SPIRE1: variants seen among roughly 807,000 people sequenced by gnomAD.
The protein encoded by SPIRE1 is spire type actin nucleation factor 1, also known as protein spire homolog 1.
In SPIRE1, 40 loss-of-function variants were observed where a neutral mutation model predicts 94.1. The ratio of observed to expected loss-of-function variants is 0.43; its 90% CI spans 0.33 to 0.55. SPIRE1 has a LOEUF of 0.55. Ranked by LOEUF, SPIRE1 falls within the 20% of genes least tolerant of loss-of-function variation. The pLI, the probability that SPIRE1 is intolerant of heterozygous loss-of-function variation, is 0.06. For missense variants in SPIRE1, 838 were observed against 975.2 expected (o/e 0.86, Z 1.87); for synonymous variants, 376 against 371.7 (o/e 1.01, Z -0.13).
At chr18:12,544,855 AC>A (rs2035116847) in intron 3 of SPIRE1, among the ~76,000 whole-genome samples, 1 of 152,128 alleles carries the variant, frequency 6.6e-6, no homozygotes, top group Non-Finnish European at 1.5e-5. Context: ...CATCTTCCAA[AC>A]CTGTAGTTTA....
intron 2 of SPIRE1, 102 bp downstream of exon 2, chr18:12,634,960 T>C (rs964330543): frequency 3.3e-6 from 2 of 607,714 alleles, no homozygotes; most frequent in African/African-American, 1.9e-5. Flanking sequence ...AGAAATCTTA[T>C]CAGAAGACCA....
intron 2 of SPIRE1, among the ~76,000 whole-genome samples, chr18:12,580,988 T>C (rs2036243696): frequency 6.6e-6 from 1 of 152,194 alleles, no homozygotes; most frequent in Non-Finnish European, 1.5e-5. Context: ...ATTCCACTTA[T>C]CCCCATGGGT....
intron 12 of SPIRE1, among the ~76,000 whole-genome samples, chr18:12,458,393 C>T (rs1297685499): frequency 1.6e-4 from 24 of 151,496 alleles, no homozygotes; most frequent in Admixed American, 1.5e-3. Flanking sequence ...GGGCGGATCA[C>T]GAGGTCAGGA....
intron 3 of SPIRE1, among the ~76,000 whole-genome samples, chr18:12,543,813 A>AG (rs531414418): frequency 3.9e-3 from 599 of 152,370 alleles, no homozygotes; most frequent in Middle Eastern, 0.01. Flanking sequence ...AGGAGAAAGC[A>AG]GTTACAATTC....
chr18:12,642,930 A>C (rs2038126121), intron 1 of SPIRE1, among the ~76,000 whole-genome samples: 1 of 152,182 alleles, frequency 6.6e-6, no homozygotes, highest in South Asian at 2.1e-4. Flanking sequence ...CTTAAAGTAA[A>C]ATTTTAAAAA....
intron 2 of SPIRE1, among the ~76,000 whole-genome samples, chr18:12,624,087 C>A (rs1164394962): frequency 6.7e-6 from 1 of 149,596 alleles, no homozygotes; most frequent in Non-Finnish European, 1.5e-5. Context: ...CCACACCCAA[C>A]TAATTTTGTA....
intron 2 of SPIRE1, among the ~76,000 whole-genome samples, chr18:12,615,061 A>G (rs548085463): frequency 1.3e-5 from 2 of 151,270 alleles, no homozygotes; most frequent in Non-Finnish European, 3.0e-5. Context: ...GCGGTAGGTC[A>G]TGCCTGTAAT....
chr18:12,654,839 C>G (rs894238582), intron 1 of SPIRE1, among the ~76,000 whole-genome samples: 2 of 151,750 alleles, frequency 1.3e-5, no homozygotes, highest in African/African-American at 4.8e-5. Flanking sequence ...ACCATCCTGG[C>G]CAACATGGCG....
At chr18:12,634,439 A>G (rs1354542708) in intron 2 of SPIRE1, among the ~76,000 whole-genome samples, 1 of 151,944 alleles carries the variant, frequency 6.6e-6, no homozygotes, top group African/African-American at 2.4e-5. Context: ...ACTGCACTGA[A>G]TTATGAAAAA....
intron 1 of SPIRE1, chr18:12,656,824 C>T: frequency 4.0e-6 from 1 of 251,478 alleles, no homozygotes; most frequent in Non-Finnish European, 6.3e-6. Context: ...TCTTTGTATC[C>T]CGACATCCTG....
At chr18:12,462,607 A>G (rs115710388) in intron 12 of SPIRE1, among the ~76,000 whole-genome samples, 300 of 152,314 alleles carry the variant, frequency 2.0e-3, no homozygotes, top group African/African-American at 6.5e-3. Context: ...TTCAACCAAA[A>G]TAACACCACT....
chr18:12,525,709 C>A (rs2034501628), intron 4 of SPIRE1, among the ~76,000 whole-genome samples: 1 of 152,002 alleles, frequency 6.6e-6, no homozygotes, highest in Non-Finnish European at 1.5e-5. Flanking sequence ...GATTAAAAAG[C>A]CCCCCAGTAG....
At chr18:12,587,136 C>T (rs1196256830) in intron 2 of SPIRE1, among the ~76,000 whole-genome samples, 2 of 152,202 alleles carry the variant, frequency 1.3e-5, no homozygotes, top group Non-Finnish European at 2.9e-5. Flanking sequence ...CTCAAAGTCA[C>T]ACAGCCAATG....
chr18:12,546,561 A>G (rs1056716352), intron 3 of SPIRE1, 113 bp downstream of exon 3: 13 of 795,516 alleles, frequency 1.6e-5, no homozygotes, highest in Non-Finnish European at 2.6e-5. Context: ...TGATCACACC[A>G]CTGCACTCTA....
At chr18:12,624,201 C>T (rs975487351) in intron 2 of SPIRE1, among the ~76,000 whole-genome samples, 11 of 151,404 alleles carry the variant, frequency 7.3e-5, no homozygotes, top group Admixed American at 3.3e-4. Flanking sequence ...GGATTACAAG[C>T]GTAAACCACC....
At chr18:12,471,642 A>T (rs1977027873) in intron 10 of SPIRE1, among the ~76,000 whole-genome samples, 1 of 152,082 alleles carries the variant, frequency 6.6e-6, no homozygotes, top group South Asian at 2.1e-4. Context: ...TCTTTAATTC[A>T]GGCATTCTCA....
At chr18:12,580,661 T>C (rs889264523) in intron 2 of SPIRE1, among the ~76,000 whole-genome samples, 3 of 152,170 alleles carry the variant, frequency 2.0e-5, no homozygotes, top group Admixed American at 6.5e-5. Context: ...AATTTTATCA[T>C]GTCCCTCTCT....
intron 2 of SPIRE1, among the ~76,000 whole-genome samples, chr18:12,615,409 G>A (rs1227979351): frequency 6.6e-5 from 8 of 120,998 alleles, no homozygotes; most frequent in East Asian, 4.8e-4. Flanking sequence ...GCAAGGCGGC[G>A]TGCGCCTGTA....
rs902232876 is a variant in SPIRE1 at position 12,624,119 on chromosome 18, C to T, written c.372+10943G>A. Among the ~76,000 whole-genome samples the T allele has an allele frequency of 5.8e-5, 8 of 138,960 alleles. No individual in the cohort carries two copies. The South Asian group carries it at 1.2e-3, about 21-fold the overall frequency. The allele number at this position is 138,960 out of a possible 152,430, so 91.2% of individuals were successfully genotyped here. ...TGTATTTTTAGTAGAGACGGAGTTT[C>T]GCCATGTTGATCAGCTGGTCTCGAA... On this transcript the variant is annotated intron_variant, in intron 2 of 16. Transcript: ENST00000409402.
Sources: allele counts gnomAD v4.1 joint callset (sites outside exome capture counted in the v4.1 genomes callset), GRCh38; gene constraint gnomAD v4.1.1; transcripts MANE v1.5; gene names NCBI Gene and HGNC (gene_info 2026-07-23, HGNC 2026-07-21).